PWWP2A: variants seen among roughly 807,000 people sequenced by gnomAD.
PWWP2A encodes the protein PWWP domain-containing protein 2A.
Under a neutral mutation model 48.5 loss-of-function variants are expected in PWWP2A, and 18 were observed. The ratio of observed to expected loss-of-function variants is 0.37; its 90% CI spans 0.26 to 0.55. The LOEUF (loss-of-function observed/expected upper bound fraction) is 0.55. PWWP2A is among the 20% of genes least tolerant of loss of function. The pLI, the probability that PWWP2A is intolerant of heterozygous loss-of-function variation, is 0.81. For missense variants in PWWP2A, 867 were observed against 976.4 expected, an observed-to-expected ratio of 0.89 and a Z score of 1.49; for synonymous variants, 396 against 387.7, an observed-to-expected ratio of 1.02 and a Z score of -0.25.
intron 1 of PWWP2A, among the ~76,000 whole-genome samples, chr5:160,104,412 CAGAGCA>C (rs1215286477): frequency 2.0e-5 from 3 of 151,036 alleles, no homozygotes; most frequent in Admixed American, 6.6e-5. Flanking sequence ...GGCGGGATGA[CAGAGCA>C]AGACCTTGCC....
Position 160,092,885 on chromosome 5 carries a change from C to T in PWWP2A, c.1765G>A (p.Asp589Asn). 6.4e-7 allele frequency: 1 copy of T among 1,551,708 alleles called. No individual in the cohort carries two copies. Among genetic ancestry groups the T allele is most frequent in the Non-Finnish European group, 8.7e-7 (1 of 1,146,980 alleles). The stretch of plus-strand genomic sequence containing the variant: ...TCAGAGTTGGAAGATTTCAAATCAT[C>T]TGTGCTATCAATGCTACACACTGAA... Reference protein sequence around the residue: ...SASVCSIDSTDDLKSSNSECS... With the variant: ...SASVCSIDSTNDLKSSNSECS... Residue 589 changes from aspartate (D) to asparagine (N), a missense_variant, in exon 2 of 2, where the codon GAT (aspartate) becomes AAT (asparagine). This residue lies in a region of PWWP2A where 382 missense variants were observed against 407.2 expected (regional missense o/e 0.94). Transcript: ENST00000307063.
At chr5:160,095,752 T>C (rs1209633597) in intron 1 of PWWP2A, among the ~76,000 whole-genome samples, 1 of 144,158 alleles carries the variant, frequency 6.9e-6, no homozygotes, top group Admixed American at 7.3e-5. Flanking sequence ...GCAGTGCAAG[T>C]GGTACCATCA....
rs1753950675 is a variant in PWWP2A, at chr5:160,077,535, C to T, written c.*620G>A. The T allele has an allele frequency of 1.3e-5, 2 of 152,240 alleles. No individual in the cohort carries two copies. Among genetic ancestry groups the T allele is most frequent in the Admixed American group, 6.5e-5 (1 of 15,288 alleles). The allele number at this position is 152,240 out of a possible 1,614,324, so 9.4% of individuals were successfully genotyped here. A position where few individuals can be genotyped will look rare whatever the true frequency, so the allele number is the denominator to read the frequency against. ...ATATATTCAAGATAATACAGCCCTG[C>T]TTTATTAAAGAAGGAAAAGATCCAA... On this transcript the variant is annotated 3_prime_UTR_variant, in exon 4 of 4. Transcript: ENST00000456329. This position sits in a 1 kb window ranked among gnomAD's most constrained non-coding sequence, Gnocchi z 4.2.
chr5:160,090,853 CCAAT>C, downstream of PWWP2A: 1 of 984,764 alleles, frequency 1.0e-6, no homozygotes, highest in Non-Finnish European at 1.2e-6. Flanking sequence ...GCCTCCACAG[CCAAT>C]CAGATATATT....
At chr5:160,112,805 G>A (rs1561704150) in intron 1 of PWWP2A, among the ~76,000 whole-genome samples, 1 of 152,178 alleles carries the variant, frequency 6.6e-6, no homozygotes, top group Non-Finnish European at 1.5e-5. Context: ...AGCTTAGTAA[G>A]GCACAATGAT....
At chr5:160,059,909 C>T (rs1164407179), downstream of PWWP2A, among the ~76,000 whole-genome samples, 1 of 152,152 alleles carries the variant, frequency 6.6e-6, no homozygotes, top group African/African-American at 2.4e-5. Flanking sequence ...CAAACTTGCT[C>T]AATGCAGGAT....
intron 4 of PWWP2A, chr5:160,064,787 C>T: frequency 1.1e-6 from 1 of 875,194 alleles, no homozygotes; most frequent in South Asian, 1.8e-5. Flanking sequence ...CTCCTGGAAG[C>T]TTTCATCATA....
chr5:160,116,460 AAAAT>A (rs572837260), intron 1 of PWWP2A, among the ~76,000 whole-genome samples: 9 of 152,140 alleles, frequency 5.9e-5, no homozygotes, highest in Non-Finnish European at 1.2e-4. Flanking sequence ...CGTCTTGGAA[AAAAT>A]AAATAAATAA....
At chr5:160,051,976 T>A in the PWWP2A span, among the ~76,000 whole-genome samples, 1 of 152,252 alleles carries the variant, frequency 6.6e-6, no homozygotes, top group Non-Finnish European at 1.5e-5. Flanking sequence ...TGTCTGGCAT[T>A]TATGGCCTTC....
intron 1 of PWWP2A, among the ~76,000 whole-genome samples, chr5:160,110,576 C>T (rs1311052196): frequency 2.0e-5 from 3 of 151,806 alleles, no homozygotes; most frequent in Non-Finnish European, 4.4e-5. Flanking sequence ...TGTGGTGGTG[C>T]ATGCCTGTAA....
chr5:160,055,044 T>C, the PWWP2A span, among the ~76,000 whole-genome samples: 1 of 152,148 alleles, frequency 6.6e-6, no homozygotes, highest in South Asian at 2.1e-4. Context: ...GTTGGTTCTT[T>C]GCACATGAGT....
chr5:160,111,379 G>A (rs536462403), intron 1 of PWWP2A, among the ~76,000 whole-genome samples: 4 of 152,198 alleles, frequency 2.6e-5, no homozygotes, highest in African/African-American at 9.6e-5. Flanking sequence ...TATTGGTCAG[G>A]CTGGTCTTGA....
chr5:160,078,096 C>A lies in PWWP2A; in HGVS notation c.*59G>T. Reference sequence around the variant, plus strand: ...TTTAAAAACTCCAATTTCATTCAGTCCTGATGCTCTGGTGTTCTCTGTGTC... The same window carrying A: ...TTTAAAAACTCCAATTTCATTCAGTACTGATGCTCTGGTGTTCTCTGTGTC... On this transcript the variant is annotated 3_prime_UTR_variant, in exon 4 of 4. Coordinates refer to the PWWP2A transcript ENST00000456329. The surrounding 1 kb of genome is among the most constrained non-coding windows in gnomAD (Gnocchi z 4.2). 1 of 1,442,674 alleles carries A rather than the reference C, an allele frequency of 6.9e-7. No individual in the cohort carries two copies. The highest frequency in any genetic ancestry group is 9.5e-7 in the Non-Finnish European group (1 of 1,047,182). The allele number at this position is 1,442,674 out of a possible 1,614,324, so 89.4% of individuals were successfully genotyped here.
At chr5:160,046,839 C>G in the PWWP2A span, among the ~76,000 whole-genome samples, 2 of 152,084 alleles carry the variant, frequency 1.3e-5, no homozygotes, top group African/African-American at 4.8e-5. Context: ...TGGTGAAACC[C>G]TGTCTCTACT....
chr5:160,084,777 T>TTA (rs939089883), intron 2 of PWWP2A, among the ~76,000 whole-genome samples: 9 of 151,774 alleles, frequency 5.9e-5, no homozygotes, highest in South Asian at 2.1e-4. Flanking sequence ...CACTGGCAAG[T>TTA]TATATATATA....
the PWWP2A span, among the ~76,000 whole-genome samples, chr5:160,052,398 G>T: frequency 8.6e-6 from 1 of 115,850 alleles, no homozygotes; most frequent in African/African-American, 2.7e-5. Flanking sequence ...TACATGGGAG[G>T]ATCACTTGAG....
At chr5:160,083,052 C>G (rs1257423127) in intron 2 of PWWP2A, among the ~76,000 whole-genome samples, 2 of 152,170 alleles carry the variant, frequency 1.3e-5, no homozygotes, top group Non-Finnish European at 2.9e-5. Context: ...TCACTGAACA[C>G]TCAAAATGAA....
intron 1 of PWWP2A, among the ~76,000 whole-genome samples, chr5:160,097,555 G>A (rs558345149): frequency 2.6e-4 from 39 of 151,562 alleles, no homozygotes; most frequent in African/African-American, 6.5e-4. Context: ...GCTTGAACCC[G>A]GGAGGTGAAA....
rs145395951 is a variant in PWWP2A, at chr5:160,102,045, G to C, written c.585-7980C>G. 3.6e-3 allele frequency among the ~76,000 whole-genome samples: 550 copies of C among 151,316 alleles called. 17 individuals are homozygous for C. In the East Asian group the frequency reaches 0.084, roughly 23 times the overall value. The stretch of plus-strand genomic sequence containing the variant: ...GAATCACTTGAATCCAGGAGGCAGA[G>C]GTTGCAGTGGGCCAAGATCACACCA... On this transcript the variant is annotated intron_variant, in intron 1 of 1. Coordinates refer to ENST00000307063, the MANE Select transcript of PWWP2A (RefSeq NM_001130864.2).
Sources: allele counts gnomAD v4.1 joint callset (sites outside exome capture counted in the v4.1 genomes callset), GRCh38; gene constraint gnomAD v4.1.1; regional missense constraint gnomAD v4.1.1; non-coding constraint Gnocchi (gnomAD v3.1); transcripts MANE v1.5; gene names NCBI Gene and HGNC (gene_info 2026-07-23, HGNC 2026-07-21).